FREM1: variants seen among roughly 807,000 people sequenced by gnomAD.
The protein encoded by FREM1 is FRAS1-related extracellular matrix protein 1.
FREM1 carries 220 observed loss-of-function variants against 210.1 expected under a neutral mutation model. The ratio of observed to expected loss-of-function variants is 1.05; its 90% CI spans 0.94 to 1.17. The LOEUF (loss-of-function observed/expected upper bound fraction) is 1.17, where lower values mean the gene tolerates loss of function less well. FREM1 is among the 50% of genes most tolerant of loss of function. FREM1 has a pLI of 0.00. For missense variants in FREM1, 3,454 were observed against 2,675.5 expected, an observed-to-expected ratio of 1.29 and a Z score of -6.42; for synonymous variants, 1,189 against 980.2, an observed-to-expected ratio of 1.21 and a Z score of -3.98.
chr9:14,745,118 T>A (rs1842188456), intron 35 of FREM1, among the ~76,000 whole-genome samples: 2 of 152,046 alleles, frequency 1.3e-5, no homozygotes, highest in African/African-American at 4.8e-5. Context: ...TATTGGAGTT[T>A]GGAAAGTGAG....
rs1830267052 is a variant in FREM1, at chr9:14,861,090, T to TATATATAAACATATATACAC, written c.330-1626_330-1607dup. 2.4e-5 allele frequency among the ~76,000 whole-genome samples: 2 copies of TATATATAAACATATATACAC among 81,648 alleles called. 1 individual carries two copies. The highest frequency in any genetic ancestry group is 9.9e-5 in the African/African-American group (2 of 20,202). 53.6% of individuals were successfully genotyped at this position (81,648 alleles called of 152,430 possible). On this transcript the variant is annotated intron_variant, in intron 3 of 36. Transcript: ENST00000380880. The stretch of plus-strand genomic sequence containing the variant: ...ATATACATATATACATATATACACA[T>TATATATAAACATATATACAC]ATATATAAACATATATACACATATA...
intron 15 of FREM1, among the ~76,000 whole-genome samples, chr9:14,815,662 T>C (rs1820160926): frequency 1.3e-5 from 2 of 152,172 alleles, no homozygotes; most frequent in South Asian, 4.1e-4. Context: ...AAATTGTTTT[T>C]TTTGAGTCAG....
chr9:14,898,466 G>C lies in FREM1; in HGVS notation c.-268+11448C>G, dbSNP rs140652177. On this transcript the variant is annotated intron_variant, in intron 1 of 36. Coordinates refer to ENST00000380880, the MANE Select transcript of FREM1 (RefSeq NM_001379081.2). The stretch of plus-strand genomic sequence containing the variant: ...GTCAGAACCCATAGAATGCAGCCGG[G>C]TGTGGTGGCTCACACATGCAATTCC... 4.2e-3 allele frequency among the ~76,000 whole-genome samples: 647 copies of C among 152,348 alleles called. 2 individuals carry two copies. Among genetic ancestry groups the C allele is most frequent in the African/African-American group, 0.015 (613 of 41,574 alleles).
intron 19 of FREM1, among the ~76,000 whole-genome samples, chr9:14,802,272 G>A (rs1445091339): frequency 6.6e-6 from 1 of 152,126 alleles, no homozygotes; most frequent in Non-Finnish European, 1.5e-5. Context: ...AATCCTCGTG[G>A]ATCTCCTTGC....
Position 14,792,786 on chromosome 9 carries a change from T to C in FREM1, c.3938A>G (p.Tyr1313Cys). Residue 1313 changes from tyrosine (Y) to cysteine (C), a missense_variant, in exon 22 of 37, where the codon TAT becomes TGT. By Grantham distance (194) the Tyr-to-Cys change is radical. Transcript: ENST00000380880. ...DEDSPREKIYYVFERLPQNGQ... is the reference protein window; with the variant it reads ...DEDSPREKIYCVFERLPQNGQ... ...ATTTTGGGGAAGCCTTTCAAATACA[T>C]AGTAAATCTTCTCCCTGGGTGAGTC... 4.4e-6 allele frequency: 7 copies of C among 1,608,394 alleles called. No homozygotes were observed. Among genetic ancestry groups the C allele is most frequent in the Non-Finnish European group, 5.9e-6 (7 of 1,177,480 alleles).
chr9:14,851,222 G>C, intron 6 of FREM1, 62 bp downstream of exon 6: 1 of 1,202,064 alleles, frequency 8.3e-7, no homozygotes, highest in Non-Finnish European at 1.2e-6. Flanking sequence ...GTTTAGGGTA[G>C]GGGGTTCTTA....
chr9:14,762,220 G>C (rs780428999), intron 27 of FREM1, among the ~76,000 whole-genome samples: 2 of 152,166 alleles, frequency 1.3e-5, no homozygotes, highest in Non-Finnish European at 2.9e-5. Flanking sequence ...AGATGGATTA[G>C]GGGAAAAGAG....
chr9:14,739,449 AATATAT>A (rs56320339), intron 36 of FREM1, among the ~76,000 whole-genome samples: 71,166 of 132,084 alleles, frequency 0.54, 18,926 homozygotes, highest in East Asian at 0.73. Context: ...AATTATTTGG[AATATAT>A]ATATATATAT....
chr9:14,740,706 A>T (rs914671667), intron 35 of FREM1, among the ~76,000 whole-genome samples: 1 of 152,236 alleles, frequency 6.6e-6, no homozygotes, highest in South Asian at 2.1e-4. Context: ...GTTTAGCCAA[A>T]TAAACACATT....
intron 22 of FREM1, among the ~76,000 whole-genome samples, chr9:14,792,110 T>G (rs1470629723): frequency 6.6e-6 from 1 of 152,144 alleles, no homozygotes; most frequent in Non-Finnish European, 1.5e-5. Context: ...CCCAAAGTGC[T>G]GGGATTCAGA....
intron 24 of FREM1, among the ~76,000 whole-genome samples, chr9:14,783,573 G>T (rs796102876): frequency 2.0e-5 from 3 of 152,166 alleles, no homozygotes; most frequent in African/African-American, 7.2e-5. Context: ...TGCCCGGCCT[G>T]GGGATCTGTG....
Position 14,775,904 on chromosome 9 carries a change from T to G in FREM1, c.4742A>C (p.His1581Pro). Residue 1581 changes from histidine (H) to proline (P), a missense_variant, in exon 25 of 37, where the codon CAC becomes CCC. By Grantham distance (77) the His-to-Pro change is moderately conservative. Coordinates refer to ENST00000380880, the MANE Select transcript of FREM1 (RefSeq NM_001379081.2). Reference sequence around the variant, plus strand: ...GTCAGTCTGGGAGTCCCCTCCTGAGTGCCGATAGGCCACATTCTTGCTGTC... The same window carrying G: ...GTCAGTCTGGGAGTCCCCTCCTGAGGGCCGATAGGCCACATTCTTGCTGTC... ...DVDSKNVAYR[H>P]SGGDSQTDCF... 1 of 1,613,970 alleles carries G rather than the reference T, an allele frequency of 6.2e-7. No homozygotes were observed. The highest frequency in any genetic ancestry group is 8.5e-7 in the Non-Finnish European group (1 of 1,179,860).
intron 16 of FREM1, among the ~76,000 whole-genome samples, chr9:14,812,458 G>A (rs1223188989): frequency 6.6e-6 from 1 of 152,074 alleles, no homozygotes; most frequent in East Asian, 1.9e-4. Flanking sequence ...AATTACCTTA[G>A]GAGCTTGCTT....
chr9:14,762,193 G>GA (rs892822671), intron 27 of FREM1, among the ~76,000 whole-genome samples: 2 of 149,396 alleles, frequency 1.3e-5, no homozygotes, highest in South Asian at 2.1e-4. Flanking sequence ...GAATGAGAAA[G>GA]AAAAAAAAAG....
At chr9:14,843,929 A>G (rs1278429149) in intron 8 of FREM1, among the ~76,000 whole-genome samples, 5 of 152,124 alleles carry the variant, frequency 3.3e-5, no homozygotes, top group African/African-American at 1.2e-4. Flanking sequence ...CAGTTCTGCC[A>G]TTTTCTAGGT....
chr9:14,849,204 A>T (rs1827221661), intron 6 of FREM1, among the ~76,000 whole-genome samples: 1 of 152,106 alleles, frequency 6.6e-6, no homozygotes, highest in South Asian at 2.1e-4. Flanking sequence ...TGTGTGGGAA[A>T]ATGCTATTGT....
At chr9:14,885,306 T>C (rs990776458) in intron 1 of FREM1, among the ~76,000 whole-genome samples, 4 of 152,158 alleles carry the variant, frequency 2.6e-5, no homozygotes, top group African/African-American at 9.7e-5. Context: ...TGGAACATTT[T>C]TGTCTTCCCC....
chr9:14,808,183 T>G, intron 16 of FREM1, 49 bp from the exon 17 acceptor site: 1 of 1,248,898 alleles, frequency 8.0e-7, no homozygotes, highest in Non-Finnish European at 1.1e-6. Flanking sequence ...AAATATAGAA[T>G]ACCAAGATGA....
chr9:14,896,368 A>T (rs1588645215), intron 1 of FREM1, among the ~76,000 whole-genome samples: 1 of 152,088 alleles, frequency 6.6e-6, no homozygotes, highest in East Asian at 1.9e-4. Flanking sequence ...CCATGGTGAA[A>T]CTCCATCTCT....
Sources: allele counts gnomAD v4.1 joint callset (sites outside exome capture counted in the v4.1 genomes callset), GRCh38; gene constraint gnomAD v4.1.1; transcripts MANE v1.5; gene names NCBI Gene and HGNC (gene_info 2026-07-23, HGNC 2026-07-21).